Variants in PPP4R4 observed in about 807,000 individuals in gnomAD.
The protein encoded by PPP4R4 is protein phosphatase 4 regulatory subunit 4, also known as serine/threonine-protein phosphatase 4 regulatory subunit 4.
PPP4R4 carries 70 observed loss-of-function variants against 121.8 expected under a neutral mutation model. That is an observed-to-expected ratio of 0.57 (90% confidence interval 0.47 to 0.70). The LOEUF is 0.70. Ranked by LOEUF, PPP4R4 falls within the 30% of genes least tolerant of loss-of-function variation. PPP4R4 has a pLI of 0.00. For missense variants in PPP4R4, 875 were observed against 1,033.6 expected, an observed-to-expected ratio of 0.85 and a Z score of 2.10; for synonymous variants, 348 against 355.7, an observed-to-expected ratio of 0.98 and a Z score of 0.24.
intron 2 of PPP4R4, among the ~76,000 whole-genome samples, chr14:94,208,154 A>G (rs915178471): frequency 2.0e-5 from 3 of 152,052 alleles, no homozygotes; most frequent in Non-Finnish European, 4.4e-5. Flanking sequence ...AAAATGAGGT[A>G]GAATTAAAAA....
intron 23 of PPP4R4, among the ~76,000 whole-genome samples, chr14:94,273,073 C>T (rs1370157120): frequency 6.6e-6 from 1 of 152,192 alleles, no homozygotes; most frequent in African/African-American, 2.4e-5. Context: ...TATGGAACAT[C>T]AGTTTGGTAG....
chr14:94,186,664 A>G (rs572539026), intron 2 of PPP4R4, among the ~76,000 whole-genome samples: 1 of 152,322 alleles, frequency 6.6e-6, no homozygotes, highest in Non-Finnish European at 1.5e-5. Context: ...CCTTTAAGAA[A>G]CTGCTAAACT....
intron 3 of PPP4R4, among the ~76,000 whole-genome samples, chr14:94,228,236 G>A (rs901561894): frequency 6.6e-6 from 1 of 152,216 alleles, no homozygotes; most frequent in South Asian, 2.1e-4. Flanking sequence ...TGAAGGCTTA[G>A]CATTGCTTTA....
chr14:94,222,178 G>T (rs989060923), intron 3 of PPP4R4, among the ~76,000 whole-genome samples: 1 of 151,702 alleles, frequency 6.6e-6, no homozygotes, highest in African/African-American at 2.4e-5. Context: ...AATTGCATAG[G>T]TCATCTTACA....
chr14:94,187,747 G>A (rs1046421890), intron 2 of PPP4R4, among the ~76,000 whole-genome samples: 8 of 151,282 alleles, frequency 5.3e-5, no homozygotes, highest in East Asian at 1.9e-4. Flanking sequence ...TATTTTTCAT[G>A]ATCTTGATAG....
chr14:94,239,705 AC>A (rs1159844479), intron 8 of PPP4R4, among the ~76,000 whole-genome samples: 1 of 152,078 alleles, frequency 6.6e-6, no homozygotes, highest in African/African-American at 2.4e-5. Context: ...AGTAGTTGAG[AC>A]AGAGCCTGCA....
chr14:94,192,530 G>A (rs1049631362), intron 2 of PPP4R4, among the ~76,000 whole-genome samples: 1 of 152,168 alleles, frequency 6.6e-6, no homozygotes. Context: ...TGAACTCAAA[G>A]CAAGGCTTTG....
intron 19 of PPP4R4, among the ~76,000 whole-genome samples, chr14:94,264,227 C>A (rs946379893): frequency 6.6e-6 from 1 of 152,198 alleles, no homozygotes; most frequent in African/African-American, 2.4e-5. Flanking sequence ...AGGCTCACTG[C>A]AACCTCCACC....
At chr14:94,200,072 C>T (rs1890093136) in intron 2 of PPP4R4, among the ~76,000 whole-genome samples, 1 of 152,104 alleles carries the variant, frequency 6.6e-6, no homozygotes, top group Non-Finnish European at 1.5e-5. Flanking sequence ...CACTTCCCTG[C>T]ACCCCCTCCC....
At position 94,208,034 on chromosome 14, in the gene PPP4R4, A is replaced by G. The variant is rs200153233; in HGVS notation, c.192-430A>G. Among the ~76,000 whole-genome samples, 9 of 152,046 alleles carry G rather than the reference A, an allele frequency of 5.9e-5. No individual in the cohort carries two copies. In the East Asian group the frequency reaches 1.5e-3, roughly 26 times the overall value. On this transcript the variant is annotated intron_variant, in intron 2 of 24. Transcript: ENST00000304338. ...AGAGAAAGTTGTATGATTTTGCTGT[A>G]GTTGATTTTATTGCTGTCCCTGTTG... is the stretch of plus-strand genomic sequence containing the variant.
chr14:94,229,627 G>A (rs902385497), intron 3 of PPP4R4, among the ~76,000 whole-genome samples: 4 of 152,162 alleles, frequency 2.6e-5, no homozygotes, highest in Non-Finnish European at 5.9e-5. Flanking sequence ...TCATGAAGAT[G>A]TTGCTATAAT....
chr14:94,270,374 T>C (rs1894259768), intron 23 of PPP4R4, among the ~76,000 whole-genome samples: 1 of 152,346 alleles, frequency 6.6e-6, no homozygotes, highest in South Asian at 2.1e-4. Context: ...CAGAAATTTA[T>C]AAGCTGATTC....
Position 94,265,860 on chromosome 14 carries a change from A to C in PPP4R4, c.2351A>C (p.Lys784Thr), listed in dbSNP as rs1244740861. Reference protein sequence around the residue: ...QSFNNQAFHAKYGNLEKCASK... With the variant: ...QSFNNQAFHATYGNLEKCASK... ...TTTAATAATCAAGCTTTTCATGCAA[A>C]ATATGGCAACTTAGAGAAATGTGCT... The change falls in exon 22 of 25, where the codon AAA becomes ACA. Residue 784 changes from lysine (K) to threonine (T), a missense_variant. Coordinates refer to ENST00000304338, the MANE Select transcript of PPP4R4 (RefSeq NM_058237.2). 1 of 1,605,584 alleles carries C rather than the reference A, an allele frequency of 6.2e-7. No individual in the cohort carries two copies. The highest frequency in any genetic ancestry group is 2.2e-5 in the East Asian group (1 of 44,724).
At chr14:94,269,283 C>G (rs557699095) in intron 23 of PPP4R4, among the ~76,000 whole-genome samples, 3 of 152,044 alleles carry the variant, frequency 2.0e-5, no homozygotes, top group African/African-American at 7.3e-5. Flanking sequence ...ATTCACAGTA[C>G]CGGTCATAAA....
At chr14:94,251,988 AAACTT>A (rs1893209173) in intron 16 of PPP4R4, 92 bp downstream of exon 16, 2 of 1,166,876 alleles carry the variant, frequency 1.7e-6, no homozygotes, top group South Asian at 3.2e-5. Context: ...AGCCAATTAA[AAACTT>A]AAGTCAAGAA....
At chr14:94,270,105 A>G (rs908029915) in intron 23 of PPP4R4, among the ~76,000 whole-genome samples, 3 of 152,228 alleles carry the variant, frequency 2.0e-5, no homozygotes, top group Non-Finnish European at 1.5e-5. Context: ...AACTGTTCTG[A>G]AAAAGACAGT....
At chr14:94,247,964 T>G (rs570427883) in intron 14 of PPP4R4, among the ~76,000 whole-genome samples, 56 of 152,242 alleles carry the variant, frequency 3.7e-4, no homozygotes, top group Admixed American at 2.2e-3. Context: ...TCAAACTGAT[T>G]GGGCAAAAGC....
chr14:94,212,693 T>C (rs555328267), intron 3 of PPP4R4, among the ~76,000 whole-genome samples: 1 of 152,286 alleles, frequency 6.6e-6, no homozygotes, highest in African/African-American at 2.4e-5. Flanking sequence ...CCACAGTATA[T>C]TAAATTGAAA....
At chr14:94,177,192 T>C (rs1428326863) in intron 2 of PPP4R4, among the ~76,000 whole-genome samples, 2 of 152,250 alleles carry the variant, frequency 1.3e-5, no homozygotes, top group Admixed American at 1.3e-4. Flanking sequence ...ATTTACCATG[T>C]AGACCATTCC....
Sources: allele counts gnomAD v4.1 joint callset (sites outside exome capture counted in the v4.1 genomes callset), GRCh38; gene constraint gnomAD v4.1.1; transcripts MANE v1.5; gene names NCBI Gene and HGNC (gene_info 2026-07-23, HGNC 2026-07-21).